The following ANXA8 variants were observed in gnomAD, a reference collection of about 807,000 sequenced individuals.
ANXA8 encodes the protein annexin A8.
A neutral mutation model predicts 26.8 loss-of-function variants in ANXA8; 9 were observed. The ratio of observed to expected loss-of-function variants is 0.34; its 90% CI spans 0.20 to 0.59. The LOEUF (loss-of-function observed/expected upper bound fraction) is 0.59, where lower values mean the gene tolerates loss of function less well. Ranked by LOEUF, ANXA8 falls within the 20% of genes least tolerant of loss-of-function variation. ANXA8 has a pLI of 0.84. For missense variants in ANXA8, 83 were observed against 238.5 expected, an observed-to-expected ratio of 0.35 and a Z score of 4.29; for synonymous variants, 39 against 94.8, an observed-to-expected ratio of 0.41 and a Z score of 3.42.
chr10:47,772,585 AT>A, the ANXA8 span, among the ~76,000 whole-genome samples: 1 of 152,066 alleles, frequency 6.6e-6, no homozygotes, highest in Non-Finnish European at 1.5e-5. Flanking sequence ...TTCAATTCCA[AT>A]TTTACAGATG....
chr10:47,956,888 C>T, the ANXA8 span, among the ~76,000 whole-genome samples: 23 of 150,192 alleles, frequency 1.5e-4, no homozygotes, highest in Middle Eastern at 3.5e-3. Flanking sequence ...CATCCACAAA[C>T]GCCTTGGTGT....
At chr10:47,585,096 T>A in the ANXA8 span, among the ~76,000 whole-genome samples, 26 of 132,462 alleles carry the variant, frequency 2.0e-4, no homozygotes, top group African/African-American at 8.1e-4. Flanking sequence ...TCAAAAAAAA[T>A]AAAATAAATT....
Position 47,474,907 on chromosome 10 carries a change from G to C in ANXA8, c.552+38C>G, listed in dbSNP as rs1402030926. ...CAGAGGAGCCGGAGTCCAGATGGCA[G>C]GGGGTGGGGCCACATGGCCGGCTGG... On this transcript the variant is annotated intron_variant, in intron 7 of 11. Coordinates refer to ENST00000585281, the MANE Select transcript of ANXA8 (RefSeq NM_001040084.3). 4.0e-4 allele frequency: 613 copies of C among 1,532,976 alleles called. 75 individuals are homozygous for C. The highest frequency in any genetic ancestry group is 4.9e-4 in the Admixed American group (27 of 55,588). The allele number at this position is 1,532,976 out of a possible 1,614,324, so 95.0% of individuals were successfully genotyped here. A position where few individuals can be genotyped will look rare whatever the true frequency, so the allele number is the denominator to read the frequency against.
chr10:47,744,411 T>G, the ANXA8 span, among the ~76,000 whole-genome samples: 246 of 7,154 alleles, frequency 0.034, 4 homozygotes, highest in African/African-American at 0.064. Flanking sequence ...AGGCTCCTGG[T>G]GGGGGGGGGG....
At chr10:47,510,931 A>C in the ANXA8 span, among the ~76,000 whole-genome samples, 1 of 129,852 alleles carries the variant, frequency 7.7e-6, no homozygotes, top group Non-Finnish European at 1.6e-5. Flanking sequence ...TTAATTAATT[A>C]ATTAATTTAT....
chr10:47,663,545 C>A, the ANXA8 span, among the ~76,000 whole-genome samples: 3,207 of 129,834 alleles, frequency 0.025, 6 homozygotes, highest in Non-Finnish European at 0.031. Flanking sequence ...GCCACCATGC[C>A]CAGCTTGTTT....
chr10:47,577,171 G>A, the ANXA8 span, among the ~76,000 whole-genome samples: 1 of 149,732 alleles, frequency 6.7e-6, no homozygotes, highest in South Asian at 2.1e-4. Context: ...GTTGCAGTGA[G>A]CTGAGATGGC....
chr10:47,502,430 T>C, the ANXA8 span: 1 of 1,611,316 alleles, frequency 6.2e-7, no homozygotes, highest in Admixed American at 1.7e-5. Context: ...TTGGAACGGA[T>C]CCACCATTCC....
At chr10:47,495,052 A>C in the ANXA8 span, among the ~76,000 whole-genome samples, 6 of 149,498 alleles carry the variant, frequency 4.0e-5, no homozygotes, top group African/African-American at 1.5e-4. Flanking sequence ...CTGAGCGAAT[A>C]ACCACCTCTC....
At chr10:47,942,365 C>T in the ANXA8 span, among the ~76,000 whole-genome samples, 2 of 144,738 alleles carry the variant, frequency 1.4e-5, no homozygotes, top group East Asian at 4.3e-4. Context: ...TGCAAAATTG[C>T]TTTCCTGCAA....
the ANXA8 span, among the ~76,000 whole-genome samples, chr10:47,967,313 G>A: frequency 7.7e-4 from 116 of 151,050 alleles, no homozygotes; most frequent in African/African-American, 2.8e-3. Flanking sequence ...TTATTCATCT[G>A]GAGAAAATTT....
the ANXA8 span, chr10:47,491,805 G>A: frequency 3.6e-6 from 3 of 831,808 alleles, no homozygotes; most frequent in Non-Finnish European, 5.8e-6. Flanking sequence ...GGCTGGACAG[G>A]TGAGTCAGTG....
At chr10:47,704,858 A>C in the ANXA8 span, among the ~76,000 whole-genome samples, 1 of 152,070 alleles carries the variant, frequency 6.6e-6, no homozygotes, top group Non-Finnish European at 1.5e-5. Context: ...ATGAAGAAAA[A>C]CTAACAAAGA....
At chr10:47,702,696 C>T in the ANXA8 span, among the ~76,000 whole-genome samples, 43 of 151,588 alleles carry the variant, frequency 2.8e-4, no homozygotes, top group Admixed American at 5.3e-4. Context: ...TACAGTGGTG[C>T]GATCTCGGCT....
chr10:47,601,066 T>TAC, the ANXA8 span, among the ~76,000 whole-genome samples: 1 of 65,270 alleles, frequency 1.5e-5, no homozygotes, highest in Admixed American at 1.9e-4. Flanking sequence ...CAATAAGACA[T>TAC]ACACACACAC....
At chr10:47,724,074 T>C in the ANXA8 span, among the ~76,000 whole-genome samples, 18 of 136,264 alleles carry the variant, frequency 1.3e-4, no homozygotes, top group East Asian at 1.8e-3. Flanking sequence ...CCAGTGTATC[T>C]CAGCAGGGGC....
At chr10:47,488,740 T>G (rs1840090910), upstream of ANXA8, among the ~76,000 whole-genome samples, 1 of 134,796 alleles carries the variant, frequency 7.4e-6, no homozygotes, top group Non-Finnish European at 1.6e-5. Flanking sequence ...TTTTTTTTTT[T>G]TTTTTGAGAC....
At chr10:47,702,531 G>C in the ANXA8 span, among the ~76,000 whole-genome samples, 333 of 151,190 alleles carry the variant, frequency 2.2e-3, 8 homozygotes, top group Admixed American at 0.019. Context: ...AGTAGAGATG[G>C]GGTTTCACCA....
chr10:47,733,211 T>TTTTCTTTC, the ANXA8 span, among the ~76,000 whole-genome samples: 6 of 82,350 alleles, frequency 7.3e-5, no homozygotes, highest in Admixed American at 1.3e-4. Context: ...CTTTCTTTCT[T>TTTTCTTTC]TCTTTCTTTC....
Sources: gnomAD v4.1 joint callset for allele counts (sites outside exome capture counted in the v4.1 genomes callset) on GRCh38, gnomAD v4.1.1 for gene constraint, MANE v1.5 for transcripts, NCBI Gene and HGNC (gene_info 2026-07-23, HGNC 2026-07-21) for gene names.